The following PEAK1 variants were observed in gnomAD, a reference collection of about 807,000 sequenced individuals.
The protein encoded by PEAK1 is pseudopodium enriched atypical kinase 1.
A neutral mutation model predicts 124.7 loss-of-function variants in PEAK1; 54 were observed. That is an observed-to-expected ratio of 0.43 (90% CI 0.35 to 0.54). The LOEUF (loss-of-function observed/expected upper bound fraction) is 0.54. Among genes scored for constraint, PEAK1 ranks in the 20% least tolerant of loss-of-function variants. The pLI, the probability that PEAK1 is intolerant of heterozygous loss-of-function variation, is 0.01. For synonymous variants in PEAK1, 719 were observed against 760.0 expected, an observed-to-expected ratio of 0.95 and a Z score of 0.89; for missense variants, 2,046 against 2,134.5, an observed-to-expected ratio of 0.96 and a Z score of 0.82.
At position 77,350,897 on chromosome 15, in the gene PEAK1, T is replaced by C. The variant is rs75856437; in HGVS notation, c.-603+14266A>G. The C allele has an allele frequency of 2.2e-3, 2,189 of 985,396 alleles. 44 individuals carry two copies. The African/African-American group carries it at 0.036, about 16-fold the overall frequency. The allele number at this position is 985,396 out of a possible 1,614,324, so 61.0% of individuals were successfully genotyped here. The stretch of plus-strand genomic sequence containing the variant: ...CAATCACCTTGGATACGCAGGCATT[T>C]ACTACAAACATGGCCCTCTATTTAG... On this transcript the variant is annotated intron_variant, in intron 2 of 9. Transcript: ENST00000682557.
intron 5 of PEAK1, among the ~76,000 whole-genome samples, chr15:77,276,569 T>G (rs2152960326): frequency 6.6e-6 from 1 of 152,072 alleles, no homozygotes; most frequent in South Asian, 2.1e-4. Flanking sequence ...AGATCTGCTC[T>G]AAAAGAATAA....
chr15:77,268,473 CAAA>C (rs895058121), intron 5 of PEAK1, among the ~76,000 whole-genome samples: 1 of 116,078 alleles, frequency 8.6e-6, no homozygotes. Flanking sequence ...GATTCCATCT[CAAA>C]AAAAAAAAAA....
At chr15:77,177,117 C>A (rs1230525110) in intron 7 of PEAK1, among the ~76,000 whole-genome samples, 1 of 152,116 alleles carries the variant, frequency 6.6e-6, no homozygotes, top group East Asian at 1.9e-4. Context: ...CCACCACACC[C>A]AGCTCATTTT....
At chr15:77,268,506 T>G (rs951874305) in intron 5 of PEAK1, among the ~76,000 whole-genome samples, 3 of 150,454 alleles carry the variant, frequency 2.0e-5, no homozygotes, top group Admixed American at 6.6e-5. Context: ...TTCCAAGAAG[T>G]TTGAGATTAT....
At chr15:77,291,714 A>G (rs1749049409) in intron 2 of PEAK1, among the ~76,000 whole-genome samples, 1 of 152,164 alleles carries the variant, frequency 6.6e-6, no homozygotes, top group Admixed American at 6.5e-5. Flanking sequence ...GCGGTGGCTC[A>G]CGCCTGTAAT....
intron 6 of PEAK1, among the ~76,000 whole-genome samples, chr15:77,251,866 C>CTT (rs1032536941): frequency 6.6e-6 from 1 of 152,176 alleles, no homozygotes; most frequent in African/African-American, 2.4e-5. Context: ...AATCTGCATG[C>CTT]AGTTAAAGGA....
intron 1 of PEAK1, chr15:77,402,017 G>A (rs916904375): frequency 1.3e-6 from 1 of 758,362 alleles, no homozygotes; most frequent in African/African-American, 1.9e-5. Flanking sequence ...TGGCCAACAT[G>A]GTGAAACCCC....
chr15:77,250,882 G>A (rs376807955), intron 6 of PEAK1, among the ~76,000 whole-genome samples: 1 of 152,146 alleles, frequency 6.6e-6, no homozygotes, highest in African/African-American at 2.4e-5. Context: ...TTTAATCAAG[G>A]TTAATGTTAG....
intron 2 of PEAK1, among the ~76,000 whole-genome samples, chr15:77,288,535 A>T (rs1231800908): frequency 6.6e-6 from 1 of 152,246 alleles, no homozygotes; most frequent in African/African-American, 2.4e-5. Flanking sequence ...TTATATACAT[A>T]AAACCAGTGA....
chr15:77,378,741 A>G (rs1191131650), intron 1 of PEAK1, among the ~76,000 whole-genome samples: 2 of 152,328 alleles, frequency 1.3e-5, no homozygotes, highest in East Asian at 3.9e-4. Flanking sequence ...CAAATAAATC[A>G]CAATACCTTT....
At chr15:77,134,688 C>A (rs1395071673) in intron 8 of PEAK1, among the ~76,000 whole-genome samples, 2 of 152,048 alleles carry the variant, frequency 1.3e-5, no homozygotes, top group Admixed American at 6.6e-5. Context: ...ATACATGAAA[C>A]TTCTATAAAG....
chr15:77,351,084 A>G (rs1367467168), intron 2 of PEAK1: 5 of 254,920 alleles, frequency 2.0e-5, no homozygotes, highest in Non-Finnish European at 3.1e-5. Flanking sequence ...CAGACATGCA[A>G]ACATTACATA....
At chr15:77,216,089 G>C (rs1321802150) in intron 6 of PEAK1, among the ~76,000 whole-genome samples, 2 of 152,078 alleles carry the variant, frequency 1.3e-5, no homozygotes, top group Non-Finnish European at 2.9e-5. Flanking sequence ...AATACCTGTT[G>C]CAATTCTGAT....
Position 77,337,178 on chromosome 15 carries a change from A to G in PEAK1, c.-603+27985T>C, listed in dbSNP as rs1045299168. 7 of 984,998 alleles carry G rather than the reference A, an allele frequency of 7.1e-6. No individual in the cohort carries two copies. The African/African-American group carries it at 1.2e-4, about 17-fold the overall frequency. 61.0% of individuals were successfully genotyped at this position (984,998 alleles called of 1,614,324 possible). ...CCTACCTGTGCCCATGAAGTTTGAG[A>G]AGCAGGTAGAGGAGTAAAAGAAGTC... On this transcript the variant is annotated intron_variant, in intron 2 of 9. Coordinates refer to ENST00000682557, the MANE Select transcript of PEAK1 (RefSeq NM_001385026.1).
Position 77,346,425 on chromosome 15 carries a change from G to C in PEAK1, c.-603+18738C>G, listed in dbSNP as rs1567288763. 4 of 963,024 alleles carry C rather than the reference G, an allele frequency of 4.2e-6. No homozygotes were observed. The South Asian group carries it at 1.4e-4, about 35-fold the overall frequency. 59.7% of individuals were successfully genotyped at this position (963,024 alleles called of 1,614,324 possible). On this transcript the variant is annotated intron_variant, in intron 2 of 9. Coordinates refer to ENST00000682557, the MANE Select transcript of PEAK1 (RefSeq NM_001385026.1). Reference sequence around the variant, plus strand: ...GCAATTTCATTTTGCTAGGATGACAGTGATCAGTCCCTTGGGGGAGAGGCC... The same window carrying C: ...GCAATTTCATTTTGCTAGGATGACACTGATCAGTCCCTTGGGGGAGAGGCC...
At chr15:77,399,228 T>A (rs2071152959) in intron 1 of PEAK1, among the ~76,000 whole-genome samples, 1 of 152,150 alleles carries the variant, frequency 6.6e-6, no homozygotes, top group Non-Finnish European at 1.5e-5. Context: ...GAATCAATAT[T>A]GTTAAAATGT....
intron 6 of PEAK1, among the ~76,000 whole-genome samples, chr15:77,194,664 A>G (rs34789212): frequency 6.6e-6 from 1 of 152,150 alleles, no homozygotes. Flanking sequence ...CAGGAGATAT[A>G]TCTTATTCAG....
At chr15:77,307,815 C>T (rs942588369) in intron 2 of PEAK1, among the ~76,000 whole-genome samples, 2 of 152,020 alleles carry the variant, frequency 1.3e-5, no homozygotes, top group African/African-American at 4.8e-5. Context: ...GAGAACCCTG[C>T]TCTCTTTGAT....
chr15:77,248,595 G>T (rs1293762881), intron 6 of PEAK1, among the ~76,000 whole-genome samples: 1 of 152,122 alleles, frequency 6.6e-6, no homozygotes, highest in Non-Finnish European at 1.5e-5. Flanking sequence ...ACAGTGAAAA[G>T]ACACCATCTA....
Sources: allele counts gnomAD v4.1 joint callset (sites outside exome capture counted in the v4.1 genomes callset), GRCh38; gene constraint gnomAD v4.1.1; transcripts MANE v1.5; gene names NCBI Gene and HGNC (gene_info 2026-07-23, HGNC 2026-07-21).